Variants in PAG1 observed in about 807,000 individuals in gnomAD.
PAG1 encodes phosphoprotein associated with glycosphingolipid-enriched microdomains 1.
In PAG1, 23 loss-of-function variants were observed where a neutral mutation model predicts 31.7. That is an observed-to-expected ratio of 0.73 (90% CI 0.52 to 1.03). The LOEUF (loss-of-function observed/expected upper bound fraction) is 1.03, where lower values mean the gene tolerates loss of function less well. Among genes scored for constraint, PAG1 ranks in the 50% least tolerant of loss-of-function variants. The pLI is 0.00. For missense variants in PAG1, 473 were observed against 540.7 expected (o/e 0.87, Z 1.24); for synonymous variants, 214 against 210.3 (o/e 1.02, Z -0.15).
intron 3 of PAG1, among the ~76,000 whole-genome samples, chr8:80,998,161 C>T (rs1322879398): frequency 1.4e-5 from 2 of 145,628 alleles, no homozygotes; most frequent in African/African-American, 2.6e-5. Flanking sequence ...GACAAAGTCT[C>T]GCTCTGTCGC....
At chr8:81,059,907 T>C (rs1808890172) in intron 2 of PAG1, among the ~76,000 whole-genome samples, 1 of 151,898 alleles carries the variant, frequency 6.6e-6, no homozygotes, top group African/African-American at 2.4e-5. Context: ...TCCCAGCTAC[T>C]TGTGGGGGGC....
At chr8:81,068,785 A>T (rs901531315) in intron 2 of PAG1, among the ~76,000 whole-genome samples, 5 of 152,228 alleles carry the variant, frequency 3.3e-5, no homozygotes, top group Non-Finnish European at 7.3e-5. Context: ...ATGTACAAAA[A>T]AGTACCACAC....
chr8:81,045,507 G>A (rs74618132), intron 2 of PAG1, among the ~76,000 whole-genome samples: 1 of 152,268 alleles, frequency 6.6e-6, no homozygotes, highest in Non-Finnish European at 1.5e-5. Context: ...ATCAGTAGTT[G>A]CCTAGAGCTG....
In PAG1 at chr8:80,969,407, C is replaced by A. The variant is rs986112755; in HGVS notation, c.*7137G>T. On this transcript the variant is annotated 3_prime_UTR_variant, in exon 9 of 9. Coordinates refer to ENST00000220597, the MANE Select transcript of PAG1 (RefSeq NM_018440.4). ...TTCTTCCAGAGAAGGGCACTGCTGT[C>A]TTTCAGGGAAGCCTTCACTACCTAA... 1.3e-5 allele frequency: 2 copies of A among 152,106 alleles called. No homozygotes were observed. The allele number at this position is 152,106 out of a possible 1,614,324, so 9.4% of individuals were successfully genotyped here.
intron 3 of PAG1, among the ~76,000 whole-genome samples, chr8:81,006,854 C>G (rs969264716): frequency 6.6e-6 from 1 of 152,096 alleles, no homozygotes; most frequent in Non-Finnish European, 1.5e-5. Context: ...TTTGGAGAGG[C>G]CTTAGAATAT....
chr8:80,987,987 G>A (rs372558047), intron 5 of PAG1, among the ~76,000 whole-genome samples: 7 of 152,242 alleles, frequency 4.6e-5, no homozygotes, highest in South Asian at 4.2e-4. Flanking sequence ...CATTTCAAGC[G>A]CTCAATAGCC....
chr8:81,061,422 A>G (rs550209922), intron 2 of PAG1, among the ~76,000 whole-genome samples: 1 of 152,312 alleles, frequency 6.6e-6, no homozygotes, highest in East Asian at 1.9e-4. Flanking sequence ...TCATGTTGAC[A>G]TACAGTAGTT....
At chr8:81,098,224 T>C (rs772240344) in intron 1 of PAG1, among the ~76,000 whole-genome samples, 1 of 152,206 alleles carries the variant, frequency 6.6e-6, no homozygotes, top group Non-Finnish European at 1.5e-5. Flanking sequence ...GTGAAATTTA[T>C]GGTTAAAAGA....
intron 1 of PAG1, among the ~76,000 whole-genome samples, chr8:81,082,699 G>T (rs1364877119): frequency 1.3e-5 from 2 of 152,106 alleles, no homozygotes; most frequent in African/African-American, 2.4e-5. Flanking sequence ...CATCCACTGA[G>T]ATTTTTATTT....
At chr8:81,012,457 A>G (rs868287811) in intron 3 of PAG1, among the ~76,000 whole-genome samples, 5 of 152,226 alleles carry the variant, frequency 3.3e-5, no homozygotes, top group African/African-American at 4.8e-5. Flanking sequence ...AATCAGCTAC[A>G]TTTGTATCTT....
At chr8:81,056,964 A>C (rs1379456918) in intron 2 of PAG1, among the ~76,000 whole-genome samples, 3 of 152,260 alleles carry the variant, frequency 2.0e-5, no homozygotes, top group Non-Finnish European at 4.4e-5. Context: ...CAGACACATG[A>C]AAAAGTGCTC....
At chr8:81,006,228 C>G (rs913146676) in intron 3 of PAG1, among the ~76,000 whole-genome samples, 3 of 152,192 alleles carry the variant, frequency 2.0e-5, no homozygotes, top group Non-Finnish European at 2.9e-5. Context: ...CAGGCATGAG[C>G]CACCATGCCT....
chr8:80,980,679 C>A (rs1037067919), intron 7 of PAG1, among the ~76,000 whole-genome samples, 185 bp from the exon 8 acceptor site: 1 of 152,146 alleles, frequency 6.6e-6, no homozygotes, highest in Non-Finnish European at 1.5e-5. Context: ...TCGGGGATAT[C>A]TAGTAGTATT....
chr8:81,000,187 C>T (rs549794913), intron 3 of PAG1, among the ~76,000 whole-genome samples: 1 of 152,246 alleles, frequency 6.6e-6, no homozygotes, highest in African/African-American at 2.4e-5. Context: ...GGGATGTCTC[C>T]ACCTCACTTC....
At chr8:81,063,477 C>T (rs1808951503) in intron 2 of PAG1, among the ~76,000 whole-genome samples, 2 of 152,308 alleles carry the variant, frequency 1.3e-5, no homozygotes, top group South Asian at 4.2e-4. Context: ...ATTCTTTCTC[C>T]ACTGGTGAGG....
chr8:81,009,832 C>T (rs62517863), intron 3 of PAG1, among the ~76,000 whole-genome samples: 7 of 152,210 alleles, frequency 4.6e-5, no homozygotes, highest in African/African-American at 1.4e-4. Flanking sequence ...CCAGGCTGGG[C>T]TTGAACTCCT....
intron 3 of PAG1, among the ~76,000 whole-genome samples, chr8:81,028,822 T>A (rs12678914): frequency 0.041 from 6,179 of 152,282 alleles, 156 homozygotes; most frequent in East Asian, 0.097. Context: ...GAACAGAGAA[T>A]GAATAGTATC....
intron 3 of PAG1, among the ~76,000 whole-genome samples, chr8:80,997,079 T>G (rs554426554): frequency 8.6e-5 from 13 of 151,250 alleles, no homozygotes; most frequent in African/African-American, 2.7e-4. Flanking sequence ...ACAAGGACCA[T>G]CTTATTTTAG....
At chr8:81,095,642 T>C (rs1043628454) in intron 1 of PAG1, among the ~76,000 whole-genome samples, 2 of 152,230 alleles carry the variant, frequency 1.3e-5, no homozygotes, top group African/African-American at 4.8e-5. Context: ...AATCCCTTGG[T>C]TATGTGATTG....
Sources: gnomAD v4.1 joint callset for allele counts (sites outside exome capture counted in the v4.1 genomes callset) on GRCh38, gnomAD v4.1.1 for gene constraint, MANE v1.5 for transcripts, NCBI Gene and HGNC (gene_info 2026-07-23, HGNC 2026-07-21) for gene names.